Variants in PRKCA observed in about 807,000 individuals in gnomAD.
PRKCA encodes protein kinase C alpha, also known as protein kinase C alpha type.
A neutral mutation model predicts 87.0 loss-of-function variants in PRKCA; 27 were observed. The ratio of observed to expected loss-of-function variants is 0.31; its 90% CI spans 0.23 to 0.43. The LOEUF is 0.43. Ranked by LOEUF, PRKCA falls within the 20% of genes least tolerant of loss-of-function variation. The probability of loss-of-function intolerance (pLI) is 1.00; values close to 1 mark genes in which losing one functional copy is unlikely to be tolerated. For missense variants in PRKCA, 518 were observed against 852.3 expected (o/e 0.61, Z 4.88); for synonymous variants, 329 against 311.1 (o/e 1.06, Z -0.61).
At chr17:66,401,472 C>T (rs953014267) in intron 2 of PRKCA, among the ~76,000 whole-genome samples, 1 of 152,152 alleles carries the variant, frequency 6.6e-6, no homozygotes. Context: ...AAGAAGTTGG[C>T]TGGATGTATG....
intron 2 of PRKCA, among the ~76,000 whole-genome samples, chr17:66,364,691 C>T (rs933521068): frequency 3.9e-5 from 6 of 152,098 alleles, no homozygotes; most frequent in African/African-American, 7.2e-5. Flanking sequence ...GTATGGTTTT[C>T]GCCTGATTTG....
At chr17:66,550,679 G>A (rs1379669720) in intron 3 of PRKCA, among the ~76,000 whole-genome samples, 1 of 152,022 alleles carries the variant, frequency 6.6e-6, no homozygotes, top group African/African-American at 2.4e-5. Context: ...TAAGGCTCTG[G>A]GAATAGAAAT....
At chr17:66,338,750 A>G (rs1906857934) in intron 2 of PRKCA, among the ~76,000 whole-genome samples, 1 of 152,194 alleles carries the variant, frequency 6.6e-6, no homozygotes, top group African/African-American at 2.4e-5. Context: ...ACTATAACCA[A>G]CCAATAAGAT....
At chr17:66,750,729 C>T (rs1484258874) in intron 13 of PRKCA, among the ~76,000 whole-genome samples, 1 of 152,220 alleles carries the variant, frequency 6.6e-6, no homozygotes, top group Non-Finnish European at 1.5e-5. Flanking sequence ...CATCCCAGAC[C>T]AGGGCTGAGC....
At chr17:66,765,289 T>C (rs2144309290) in intron 13 of PRKCA, among the ~76,000 whole-genome samples, 1 of 151,334 alleles carries the variant, frequency 6.6e-6, no homozygotes, top group South Asian at 2.1e-4. Context: ...GATGGGTGCC[T>C]ATAATCCCAG....
intron 2 of PRKCA, among the ~76,000 whole-genome samples, chr17:66,405,891 T>C (rs560578640): frequency 6.6e-6 from 1 of 152,312 alleles, no homozygotes; most frequent in South Asian, 2.1e-4. Flanking sequence ...TGTGGCTGTG[T>C]TCCTATTAGT....
At chr17:66,676,881 C>T (rs1225273502) in intron 5 of PRKCA, 1 of 152,172 alleles carries the variant, frequency 6.6e-6, no homozygotes, top group Non-Finnish European at 1.5e-5. Context: ...AGCCCAGAAC[C>T]CCTTCCTTGC....
At chr17:66,721,387 T>G (rs1385162370) in intron 8 of PRKCA, among the ~76,000 whole-genome samples, 1 of 126,576 alleles carries the variant, frequency 7.9e-6, no homozygotes, top group African/African-American at 3.6e-5. Flanking sequence ...CAGAGCAAGA[T>G]TCCGTCTCAA....
chr17:66,559,318 A>C (rs1968608495), intron 3 of PRKCA, among the ~76,000 whole-genome samples: 1 of 149,722 alleles, frequency 6.7e-6, no homozygotes, highest in Non-Finnish European at 1.5e-5. Flanking sequence ...TAAAAATACA[A>C]AAAAAAAATG....
At chr17:66,668,196 C>T (rs1211801064) in intron 5 of PRKCA, among the ~76,000 whole-genome samples, 2 of 152,192 alleles carry the variant, frequency 1.3e-5, no homozygotes, top group African/African-American at 4.8e-5. Context: ...TGGAGTTTCT[C>T]TCATTTCAGA....
chr17:66,541,466 G>T (rs1189548514), intron 3 of PRKCA, among the ~76,000 whole-genome samples: 2 of 152,228 alleles, frequency 1.3e-5, no homozygotes, highest in African/African-American at 4.8e-5. Flanking sequence ...AGTTGACTGG[G>T]ATTGAAAGCT....
At chr17:66,794,564 G>A (rs1171945216) in intron 16 of PRKCA, among the ~76,000 whole-genome samples, 1 of 150,040 alleles carries the variant, frequency 6.7e-6, no homozygotes, top group Non-Finnish European at 1.5e-5. Context: ...TTCCCTAAAT[G>A]TGAACATTTT....
chr17:66,796,132 AT>A (rs1235468772), intron 16 of PRKCA, among the ~76,000 whole-genome samples: 1 of 152,202 alleles, frequency 6.6e-6, no homozygotes, highest in East Asian at 1.9e-4. Context: ...CTCTCTCTAT[AT>A]GGTGAAATGA....
At chr17:66,522,868 A>T (rs1241169312) in intron 3 of PRKCA, among the ~76,000 whole-genome samples, 142 of 151,806 alleles carry the variant, frequency 9.4e-4, no homozygotes, top group Non-Finnish European at 1.2e-4. Flanking sequence ...TCATAATGAA[A>T]CCTACTATGA....
At position 66,625,365 on chromosome 17, in the gene PRKCA, G is replaced by A. The variant is rs192008723; in HGVS notation, c.289-15990G>A. Among the ~76,000 whole-genome samples, 149 of 152,300 alleles carry A rather than the reference G, an allele frequency of 9.8e-4. 1 individual carries two copies. The highest frequency in any genetic ancestry group is 3.5e-3 in the African/African-American group (145 of 41,578). Reference sequence around the variant, plus strand: ...TGTAAAACACAAATTCATCAGAAGTGCAATGACAACAGGGTTCCTCTCTAC... The same window carrying A: ...TGTAAAACACAAATTCATCAGAAGTACAATGACAACAGGGTTCCTCTCTAC... On this transcript the variant is annotated intron_variant, in intron 3 of 16. Coordinates refer to ENST00000413366, the MANE Select transcript of PRKCA (RefSeq NM_002737.3).
At chr17:66,346,848 G>A (rs2143394622) in intron 2 of PRKCA, among the ~76,000 whole-genome samples, 1 of 152,040 alleles carries the variant, frequency 6.6e-6, no homozygotes, top group East Asian at 1.9e-4. Context: ...TGGCCAACAT[G>A]GTTAAACCCC....
rs150122719 is a variant in PRKCA at position 66,629,372 on chromosome 17, G to A, written c.289-11983G>A. 3.0e-3 allele frequency among the ~76,000 whole-genome samples: 464 copies of A among 152,260 alleles called. 5 individuals carry two copies. Among genetic ancestry groups the A allele is most frequent in the African/African-American group, 0.011 (449 of 41,542 alleles). On this transcript the variant is annotated intron_variant, in intron 3 of 16. Transcript: ENST00000413366. Reference sequence around the variant, plus strand: ...TGTTAGCTCCCTACTACCAAAGAGTGGACTTCAAAATTTGACCCACATCAT... The same window carrying A: ...TGTTAGCTCCCTACTACCAAAGAGTAGACTTCAAAATTTGACCCACATCAT...
intron 1 of PRKCA, among the ~76,000 whole-genome samples, chr17:66,304,784 C>T (rs1904714356): frequency 6.6e-6 from 1 of 152,136 alleles, no homozygotes. Context: ...GCATATGAAG[C>T]GACTGTGCTC....
At chr17:66,578,150 C>A (rs77951067) in intron 3 of PRKCA, among the ~76,000 whole-genome samples, 42,244 of 146,386 alleles carry the variant, frequency 0.29, 6,408 homozygotes, top group South Asian at 0.41. Flanking sequence ...CAAAACAAAA[C>A]AAAACAAAAC....
Sources: gnomAD v4.1 joint callset for allele counts (sites outside exome capture counted in the v4.1 genomes callset) on GRCh38, gnomAD v4.1.1 for gene constraint, MANE v1.5 for transcripts, NCBI Gene and HGNC (gene_info 2026-07-23, HGNC 2026-07-21) for gene names.